Variants in RIN2 observed in about 807,000 individuals in gnomAD.
The protein encoded by RIN2 is Ras and Rab interactor 2.
In RIN2, 36 loss-of-function variants were observed where a neutral mutation model predicts 78.0. The observed-to-expected ratio is 0.46, with a 90% confidence interval of 0.35 to 0.61. RIN2 has a LOEUF of 0.61. Ranked by LOEUF, RIN2 falls within the 20% of genes least tolerant of loss-of-function variation. The pLI is 0.00. For missense variants in RIN2, 1,087 were observed against 1,159.7 expected, an observed-to-expected ratio of 0.94 and a Z score of 0.91; for synonymous variants, 466 against 466.8, an observed-to-expected ratio of 1.00 and a Z score of 0.02.
Position 19,975,850 on chromosome 20 carries a change from T to C in RIN2, c.1762+63T>C. ...AACTCTGTCCGGGCAGTGCAACCTATGTTTGTTATTTTTTATGAAGTTTAC... is the reference window on the plus strand; with the variant it reads ...AACTCTGTCCGGGCAGTGCAACCTACGTTTGTTATTTTTTATGAAGTTTAC... On this transcript the variant is annotated intron_variant, in intron 9 of 12. Transcript: ENST00000255006. The surrounding 1 kb of genome is among the most constrained non-coding windows in gnomAD (Gnocchi z 4.9). 1 of 1,438,988 alleles carries C rather than the reference T, an allele frequency of 6.9e-7. No homozygotes were observed. 89.1% of individuals were successfully genotyped at this position (1,438,988 alleles called of 1,614,324 possible). A position where few individuals can be genotyped will look rare whatever the true frequency, so the allele number is the denominator to read the frequency against.
At chr20:19,875,033 G>A (rs760910613) in intron 2 of RIN2, among the ~76,000 whole-genome samples, 7 of 151,770 alleles carry the variant, frequency 4.6e-5, no homozygotes, top group Non-Finnish European at 8.8e-5. Flanking sequence ...GCTAAGTTTT[G>A]TATTTTTAGT....
chr20:19,966,826 A>G (rs548190088), intron 7 of RIN2, among the ~76,000 whole-genome samples: 2 of 152,266 alleles, frequency 1.3e-5, no homozygotes, highest in South Asian at 4.1e-4. Flanking sequence ...TGATTTGGGC[A>G]GGATCTCTTA....
rs1555787851 is a variant in RIN2 at position 19,904,237 on chromosome 20, A to AAAAAATATATATATATATATATAT, written c.57+14583_57+14584insATATATATATATATATATATAAAA. The stretch of plus-strand genomic sequence containing the variant: ...ACAGAATGAGACTTCGTCTCAAAAA[A>AAAAAATATATATATATATATATAT]AAAATATATATATATATATATATAA... On this transcript the variant is annotated intron_variant, in intron 3 of 12. Coordinates refer to ENST00000255006, the MANE Select transcript of RIN2 (RefSeq NM_018993.4). Among the ~76,000 whole-genome samples the AAAAAATATATATATATATATATAT allele has an allele frequency of 3.1e-3, 294 of 95,018 alleles. 2 individuals carry two copies. Among genetic ancestry groups the AAAAAATATATATATATATATATAT allele is most frequent in the African/African-American group, 8.1e-3 (255 of 31,330 alleles). 62.3% of individuals were successfully genotyped at this position (95,018 alleles called of 152,430 possible). A position where few individuals can be genotyped will look rare whatever the true frequency, so the allele number is the denominator to read the frequency against.
intron 2 of RIN2, among the ~76,000 whole-genome samples, chr20:19,864,548 G>T (rs1439943865): frequency 1.3e-5 from 2 of 152,142 alleles, no homozygotes; most frequent in African/African-American, 2.4e-5. Flanking sequence ...AAATTATTTG[G>T]TTCCAATACA....
chr20:19,830,210 C>A (rs1232972760), intron 2 of RIN2, among the ~76,000 whole-genome samples: 1 of 152,162 alleles, frequency 6.6e-6, no homozygotes, highest in African/African-American at 2.4e-5. Flanking sequence ...CAAGGCCAAT[C>A]CTGATGACTG....
At chr20:19,927,070 C>A (rs1480178357) in intron 3 of RIN2, among the ~76,000 whole-genome samples, 1 of 152,124 alleles carries the variant, frequency 6.6e-6, no homozygotes, top group Non-Finnish European at 1.5e-5. Flanking sequence ...GGCTTCTGAG[C>A]AGACAGGCAG....
At chr20:19,881,826 A>G (rs770574063) in intron 2 of RIN2, among the ~76,000 whole-genome samples, 4 of 152,238 alleles carry the variant, frequency 2.6e-5, no homozygotes, top group Admixed American at 6.5e-5. Context: ...CTGTTAGTAA[A>G]CAAAACAAAA....
At chr20:19,885,383 C>A (rs1455302161) in intron 2 of RIN2, among the ~76,000 whole-genome samples, 1 of 152,036 alleles carries the variant, frequency 6.6e-6, no homozygotes, top group Non-Finnish European at 1.5e-5. Context: ...TTGAAAATTG[C>A]GGCCGGGAGC....
At chr20:19,819,053 T>C (rs1299936708) in intron 2 of RIN2, among the ~76,000 whole-genome samples, 1 of 152,254 alleles carries the variant, frequency 6.6e-6, no homozygotes, top group East Asian at 1.9e-4. Context: ...GGCATACATA[T>C]AGGGTCCGGA....
intron 3 of RIN2, among the ~76,000 whole-genome samples, chr20:19,925,699 G>A (rs1377444003): frequency 7.2e-5 from 11 of 152,200 alleles, no homozygotes; most frequent in Non-Finnish European, 1.5e-5. Flanking sequence ...AATTATTTCT[G>A]CTCATCAGAT....
chr20:19,829,746 A>G (rs1194712285), intron 2 of RIN2, among the ~76,000 whole-genome samples: 1 of 152,212 alleles, frequency 6.6e-6, no homozygotes, highest in Non-Finnish European at 1.5e-5. Context: ...CACCAGAATC[A>G]GCCCACCAAG....
At chr20:19,764,439 A>G (rs2033779425) in intron 1 of RIN2, among the ~76,000 whole-genome samples, 1 of 152,354 alleles carries the variant, frequency 6.6e-6, no homozygotes, top group African/African-American at 2.4e-5. Context: ...TGCAGGACCT[A>G]GCAGTCCTGG....
chr20:19,932,550 C>G (rs770386275), intron 3 of RIN2, among the ~76,000 whole-genome samples: 1 of 152,166 alleles, frequency 6.6e-6, no homozygotes, highest in African/African-American at 2.4e-5. Context: ...CTTCTGGAAG[C>G]TCCCCCTCTG....
intron 3 of RIN2, among the ~76,000 whole-genome samples, chr20:19,902,794 T>C (rs764326911): frequency 2.0e-5 from 3 of 152,182 alleles, no homozygotes; most frequent in Non-Finnish European, 4.4e-5. Context: ...ATTCATTATT[T>C]ATCAAAAATT....
intron 2 of RIN2, among the ~76,000 whole-genome samples, chr20:19,867,404 T>C (rs1352208222): frequency 1.3e-5 from 2 of 152,044 alleles, no homozygotes; most frequent in East Asian, 3.8e-4. Flanking sequence ...TTTCCAATTA[T>C]CCCAATAATG....
At chr20:19,779,799 C>A (rs567681156) in intron 1 of RIN2, among the ~76,000 whole-genome samples, 1 of 152,060 alleles carries the variant, frequency 6.6e-6, no homozygotes, top group Non-Finnish European at 1.5e-5. Context: ...TTACAGAGCT[C>A]GAGTTAGTGC....
intron 2 of RIN2, among the ~76,000 whole-genome samples, chr20:19,815,849 AGTT>A (rs2035750334): frequency 6.6e-6 from 1 of 152,246 alleles, no homozygotes; most frequent in Non-Finnish European, 1.5e-5. Flanking sequence ...CAACGATGAA[AGTT>A]GTTGTAGCAT....
At chr20:19,801,278 C>CTTTAT (rs200938634) in intron 2 of RIN2, among the ~76,000 whole-genome samples, 3,532 of 151,792 alleles carry the variant, frequency 0.023, 136 homozygotes, top group African/African-American at 0.081. Flanking sequence ...TCAAGTAATT[C>CTTTAT]TTTATTTTAT....
At chr20:19,944,082 G>T (rs2040991187) in intron 4 of RIN2, among the ~76,000 whole-genome samples, 1 of 145,028 alleles carries the variant, frequency 6.9e-6, no homozygotes, top group Admixed American at 7.2e-5. Context: ...GAAATCATTG[G>T]ATATCAACTT....
Sources: gnomAD v4.1 joint callset for allele counts (sites outside exome capture counted in the v4.1 genomes callset) on GRCh38, gnomAD v4.1.1 for gene constraint, Gnocchi (gnomAD v3.1) non-coding constraint, MANE v1.5 for transcripts, NCBI Gene and HGNC (gene_info 2026-07-23, HGNC 2026-07-21) for gene names.